The following SLC1A1 variants were observed in gnomAD, a reference collection of about 807,000 sequenced individuals.
SLC1A1 encodes excitatory amino acid transporter 3.
SLC1A1 carries 43 observed loss-of-function variants against 53.3 expected under a neutral mutation model. The observed-to-expected ratio is 0.81, with a 90% CI of 0.63 to 1.04. The LOEUF (loss-of-function observed/expected upper bound fraction) is 1.04. Ranked by LOEUF, SLC1A1 falls within the 50% of genes least tolerant of loss-of-function variation. The probability of loss-of-function intolerance (pLI) is 0.00; values close to 1 mark genes in which losing one functional copy is unlikely to be tolerated. For synonymous variants in SLC1A1, 307 were observed against 243.2 expected, an observed-to-expected ratio of 1.26 and a Z score of -2.44; for missense variants, 748 against 664.9, an observed-to-expected ratio of 1.12 and a Z score of -1.37.
At chr9:4,492,461 G>C (rs1392357810) in intron 1 of SLC1A1, among the ~76,000 whole-genome samples, 1 of 137,110 alleles carries the variant, frequency 7.3e-6, no homozygotes, top group Non-Finnish European at 1.5e-5. Context: ...CCGCCTGGGT[G>C]ACAGAGCAAG....
chr9:4,539,877 C>T (rs1386834003), intron 1 of SLC1A1, among the ~76,000 whole-genome samples: 2 of 152,064 alleles, frequency 1.3e-5, no homozygotes, highest in African/African-American at 4.8e-5. Flanking sequence ...ACCTTACCAA[C>T]TTACTTATAT....
intron 1 of SLC1A1, among the ~76,000 whole-genome samples, chr9:4,532,297 G>C (rs890780044): frequency 6.6e-6 from 1 of 152,014 alleles, no homozygotes. Context: ...CCAAGGCTAA[G>C]AAGTTAAAAA....
At chr9:4,518,234 C>CAAAAA (rs34559140) in intron 1 of SLC1A1, among the ~76,000 whole-genome samples, 71 of 60,412 alleles carry the variant, frequency 1.2e-3, no homozygotes, top group East Asian at 1.8e-3. Flanking sequence ...TATTCCACCT[C>CAAAAA]AAAAAAAAAA....
At chr9:4,545,042 G>C (rs1000962227) in intron 2 of SLC1A1, among the ~76,000 whole-genome samples, 2 of 152,192 alleles carry the variant, frequency 1.3e-5, no homozygotes, top group Admixed American at 6.5e-5. Context: ...TCTCTCCCTT[G>C]ACACCTGGGG....
At chr9:4,572,028 G>C (rs1441504304) in intron 6 of SLC1A1, among the ~76,000 whole-genome samples, 176 bp from the exon 7 acceptor site, 1 of 152,128 alleles carries the variant, frequency 6.6e-6, no homozygotes, top group Non-Finnish European at 1.5e-5. Context: ...GGTAAAGTTT[G>C]TTACATGCAT....
At chr9:4,571,436 G>A (rs1004757936) in intron 6 of SLC1A1, among the ~76,000 whole-genome samples, 5 of 152,304 alleles carry the variant, frequency 3.3e-5, no homozygotes, top group Non-Finnish European at 7.3e-5. Context: ...AGCACTTTGA[G>A]AGGCTGAGGT....
chr9:4,546,283 G>T (rs765820103), intron 2 of SLC1A1, among the ~76,000 whole-genome samples: 2 of 152,152 alleles, frequency 1.3e-5, no homozygotes, highest in Non-Finnish European at 2.9e-5. Context: ...GGAAATGCCT[G>T]GTTCCTTTTA....
Position 4,490,840 on chromosome 9 carries a change from G to T in SLC1A1, c.91+70G>T, listed in dbSNP as rs902300797. On this transcript the variant is annotated intron_variant, in intron 1 of 11. Transcript: ENST00000262352. ...CTCTGCGCCCAGGCCGCGTGCGGCT[G>T]AGGGTGGGCTTGGCGCTGGCGCACT... The T allele has an allele frequency of 1.2e-4, 155 of 1,347,330 alleles. No homozygotes were observed. In the African/African-American group the frequency reaches 2.0e-3, roughly 17 times the overall value. 83.5% of individuals were successfully genotyped at this position (1,347,330 alleles called of 1,614,324 possible).
At chr9:4,497,750 C>T (rs1256654149) in intron 1 of SLC1A1, among the ~76,000 whole-genome samples, 1 of 152,150 alleles carries the variant, frequency 6.6e-6, no homozygotes, top group African/African-American at 2.4e-5. Flanking sequence ...TTACATTTCA[C>T]AGGCACTAAA....
intron 10 of SLC1A1, among the ~76,000 whole-genome samples, chr9:4,580,115 C>T (rs1024035036): frequency 2.6e-5 from 4 of 152,040 alleles, no homozygotes; most frequent in African/African-American, 9.7e-5. Context: ...CCTGTAGTCC[C>T]AGCTACTCAG....
intron 1 of SLC1A1, among the ~76,000 whole-genome samples, chr9:4,530,923 G>A (rs983598439): frequency 6.6e-6 from 1 of 152,156 alleles, no homozygotes; most frequent in East Asian, 1.9e-4. Context: ...GACATTTCAT[G>A]CTTGCCTCTT....
intron 1 of SLC1A1, among the ~76,000 whole-genome samples, chr9:4,537,657 A>C (rs1816729668): frequency 6.6e-6 from 1 of 152,160 alleles, no homozygotes; most frequent in South Asian, 2.1e-4. Context: ...TGCTACGTGA[A>C]ATAAGCCAGA....
intron 1 of SLC1A1, among the ~76,000 whole-genome samples, chr9:4,533,097 C>G (rs1816538404): frequency 6.6e-6 from 1 of 152,164 alleles, no homozygotes; most frequent in African/African-American, 2.4e-5. Flanking sequence ...CGGTGCCAGC[C>G]ACTGCAAAAA....
At position 4,544,541 on chromosome 9, in the gene SLC1A1, T is replaced by C. The variant is rs764507053; in HGVS notation, c.92-26T>C. ...GAGAACTCAATAATGTTCCTCTTCCTTCTTTCCAACTCTTGTTTTCCTTAG... is the reference window on the plus strand; with the variant it reads ...GAGAACTCAATAATGTTCCTCTTCCCTCTTTCCAACTCTTGTTTTCCTTAG... On this transcript the variant is annotated intron_variant, in intron 1 of 11. Coordinates refer to ENST00000262352, the MANE Select transcript of SLC1A1 (RefSeq NM_004170.6). 3.0e-5 allele frequency: 48 copies of C among 1,610,460 alleles called. No homozygotes were observed. The Admixed American group carries it at 8.0e-4, about 27-fold the overall frequency.
At chr9:4,496,861 A>G (rs1193710803) in intron 1 of SLC1A1, among the ~76,000 whole-genome samples, 3 of 152,144 alleles carry the variant, frequency 2.0e-5, no homozygotes, top group Non-Finnish European at 4.4e-5. Context: ...ACATCATTGT[A>G]CACTCCAGCT....
intron 1 of SLC1A1, among the ~76,000 whole-genome samples, chr9:4,505,047 T>TTTC (rs1475197987): frequency 7.4e-6 from 1 of 136,032 alleles, no homozygotes; most frequent in Non-Finnish European, 1.5e-5. Context: ...ATATATTTCT[T>TTTC]TTTTTTTTTT....
At position 4,585,724 on chromosome 9, in the gene SLC1A1, G is replaced by A. The variant is rs1821526339; in HGVS notation, c.*166G>A. On this transcript the variant is annotated 3_prime_UTR_variant, in exon 12 of 12. Transcript: ENST00000262352. Reference sequence around the variant, plus strand: ...TTTGGATTCACAGCCTTTGCGCTCTGGGTTTTGGGATTTGGGTGTGGGGTA... The same window carrying A: ...TTTGGATTCACAGCCTTTGCGCTCTAGGTTTTGGGATTTGGGTGTGGGGTA... 1 of 866,116 alleles carries A rather than the reference G, an allele frequency of 1.2e-6. No homozygotes were observed. Among genetic ancestry groups the A allele is most frequent in the African/African-American group, 1.7e-5 (1 of 59,366 alleles). The allele number at this position is 866,116 out of a possible 1,614,324, so 53.7% of individuals were successfully genotyped here.
intron 1 of SLC1A1, among the ~76,000 whole-genome samples, chr9:4,543,919 C>A (rs765404823): frequency 6.6e-6 from 1 of 152,096 alleles, no homozygotes; most frequent in Non-Finnish European, 1.5e-5. Context: ...TGGTTCACAC[C>A]TGTAATCCCA....
At chr9:4,495,192 GGGCCCAGCGGCGGTTCACGCTGGTTCCA>G (rs949292825) in intron 1 of SLC1A1, among the ~76,000 whole-genome samples, 49 of 152,342 alleles carry the variant, frequency 3.2e-4, no homozygotes, top group South Asian at 2.3e-3. Flanking sequence ...CCTGAGGACA[GGGCCCAGCGGCGGTTCACGCTGGTTCCA>G]GGCCCAGCCC....
Sources: allele counts gnomAD v4.1 joint callset (sites outside exome capture counted in the v4.1 genomes callset), GRCh38; gene constraint gnomAD v4.1.1; transcripts MANE v1.5; gene names NCBI Gene and HGNC (gene_info 2026-07-23, HGNC 2026-07-21).